The following MYO15A variants were observed in gnomAD, a reference collection of about 807,000 sequenced individuals.
MYO15A encodes myosin XVA.
A neutral mutation model predicts 394.6 loss-of-function variants in MYO15A; 308 were observed. The observed-to-expected ratio is 0.78, with a 90% CI of 0.71 to 0.86. The LOEUF (loss-of-function observed/expected upper bound fraction) is 0.86. Among genes scored for constraint, MYO15A ranks in the 40% least tolerant of loss-of-function variants. The probability of loss-of-function intolerance (pLI) is 0.00; values close to 1 mark genes in which losing one functional copy is unlikely to be tolerated. For synonymous variants in MYO15A, 1,957 were observed against 2,003.8 expected (o/e 0.98, Z 0.62); for missense variants, 4,606 against 4,799.1 (o/e 0.96, Z 1.19).
intron 15 of MYO15A, among the ~76,000 whole-genome samples, 192 bp from the exon 16 acceptor site, chr17:18,137,392 T>A (rs1284479979): frequency 6.6e-6 from 1 of 152,222 alleles, no homozygotes; most frequent in South Asian, 2.1e-4. Context: ...GCCTTGGCCT[T>A]CAGGCACTGC....
In MYO15A at chr17:18,148,851, C is replaced by G; in HGVS notation, c.6855C>G (p.Asp2285Glu). Reference sequence around the variant, plus strand: ...TGGCTGGCCACGACTACGTGTTAGACCTGGTGTCGGACCTGGAGCTGCTCA... The same window carrying G: ...TGGCTGGCCACGACTACGTGTTAGAGCTGGTGTCGGACCTGGAGCTGCTCA... The part of the protein sequence containing the change: ...AELAGHDYVL[D>E]LVSDLELLRD... Residue 2285 changes from aspartate to glutamate, a missense_variant, in exon 33 of 66, where the codon GAC becomes GAG. By Grantham distance (45) the Asp-to-Glu change is conservative. Transcript: ENST00000647165. The surrounding 1 kb of genome is among the most constrained non-coding windows in gnomAD (Gnocchi z 4.8). The G allele has an allele frequency of 6.2e-7, 1 of 1,607,838 alleles. No homozygotes were observed. Among genetic ancestry groups the G allele is most frequent in the Non-Finnish European group, 8.5e-7 (1 of 1,177,156 alleles).
intron 8 of MYO15A, 58 bp downstream of exon 8, chr17:18,130,868 G>GTGTGTGTGTGTC (rs1403173028): frequency 2.4e-5 from 34 of 1,446,110 alleles, no homozygotes; most frequent in African/African-American, 1.3e-4. Context: ...GTGTGTGTGT[G>GTGTGTGTGTGTC]TGTCTGTCCA....
chr17:18,114,476 T>C (rs774328574), intron 1 of MYO15A, among the ~76,000 whole-genome samples: 1 of 152,142 alleles, frequency 6.6e-6, no homozygotes, highest in African/African-American at 2.4e-5. Flanking sequence ...GGTCTCGAAC[T>C]CTTGACCACA....
At chr17:18,169,512 C>T (rs1019915168) in intron 62 of MYO15A, 2 of 151,914 alleles carry the variant, frequency 1.3e-5, no homozygotes, top group Admixed American at 1.3e-4. Context: ...TGGTGCACGC[C>T]TGTAACGCCA....
rs1292509138 is a variant in MYO15A at position 18,119,406 on chromosome 17, C to T, written c.606C>T (p.Pro202=). 1.9e-6 allele frequency: 3 copies of T among 1,611,816 alleles called. No homozygotes were observed. Among genetic ancestry groups the T allele is most frequent in the Middle Eastern group, 1.6e-4 (1 of 6,062 alleles). Residue 202 remains proline, a synonymous_variant, in exon 2 of 66, where the codon CCC becomes CCT. Coordinates refer to ENST00000647165, the MANE Select transcript of MYO15A (RefSeq NM_016239.4). ...GCAGCATCTACGCGTCAGGCGAGCCCCTGGGCTTCCTGCCCTTCGAGGACG... is the reference window on the plus strand; with the variant it reads ...GCAGCATCTACGCGTCAGGCGAGCCTCTGGGCTTCCTGCCCTTCGAGGACG... ...RSRSIYASGE[P]LGFLPFEDEA...
At chr17:18,158,162 G>A (rs1431148598) in intron 51 of MYO15A, 1 of 603,740 alleles carries the variant, frequency 1.7e-6, no homozygotes, top group South Asian at 2.1e-5. Context: ...GGACAATGGG[G>A]TCAGACCAGC....
At chr17:18,142,042 G>A (rs773211908) in intron 23 of MYO15A, 37 bp from the exon 24 acceptor site, 1 of 1,608,512 alleles carries the variant, frequency 6.2e-7, no homozygotes, top group Non-Finnish European at 8.5e-7. Context: ...CAGCCTCCTG[G>A]CTCCTATCTG....
chr17:18,145,984 C>T lies in MYO15A; in HGVS notation c.6386C>T (p.Ala2129Val). The change falls in exon 30 of 66, where the codon GCA becomes GTA. Residue 2129 changes from alanine (A) to valine (V), a missense_variant. Ala to Val is a moderately conservative substitution (Grantham distance 64, BLOSUM62 0). Around this residue, in one of 2 missense-constraint regions of MYO15A, gnomAD observed 2,776 missense variants for 3,109.3 expected, o/e 0.89. Coordinates refer to ENST00000647165, the MANE Select transcript of MYO15A (RefSeq NM_016239.4). The stretch of plus-strand genomic sequence containing the variant: ...CCTGAGCTGCGGGATGAGATCCTGG[C>T]ACAGCTGGCCAATCAGGTGTGGCAC... ...AVPELRDEIL[A>V]QLANQVWHNH... 1 of 1,613,862 alleles carries T rather than the reference C, an allele frequency of 6.2e-7. No individual in the cohort carries two copies. The highest frequency in any genetic ancestry group is 8.5e-7 in the Non-Finnish European group (1 of 1,180,032).
chr17:18,119,519 G>A lies in MYO15A; in HGVS notation c.719G>A (p.Arg240His), dbSNP rs1415536045. The A allele has an allele frequency of 1.9e-6, 3 of 1,610,746 alleles. No individual in the cohort carries two copies. Among genetic ancestry groups the A allele is most frequent in the East Asian group, 2.2e-5 (1 of 44,870 alleles). Residue 240 changes from arginine to histidine, a missense_variant, in exon 2 of 66, where the codon CGC becomes CAC. Arg to His is a conservative substitution (Grantham distance 29). This residue lies in a region of MYO15A where 1,830 missense variants were observed against 1,689.7 expected (regional missense o/e 1.08). Coordinates refer to ENST00000647165, the MANE Select transcript of MYO15A (RefSeq NM_016239.4). Reference protein sequence around the residue: ...QDLGEYYDYHRDGDDYYDRQS... With the variant: ...QDLGEYYDYHHDGDDYYDRQS... ...CTGGGCGAGTATTATGACTATCACC[G>A]CGACGGCGACGACTACTACGACCGG...
intron 62 of MYO15A, among the ~76,000 whole-genome samples, chr17:18,171,003 G>A (rs1187180592): frequency 2.0e-5 from 3 of 152,238 alleles, no homozygotes; most frequent in Admixed American, 2.0e-4. Context: ...GGGAGGAGGG[G>A]GTTCCCCTGG....
intron 13 of MYO15A, 66 bp from the exon 14 acceptor site, chr17:18,136,351 C>CCCTGGGGGCTT: frequency 6.3e-7 from 1 of 1,593,654 alleles, no homozygotes; most frequent in Non-Finnish European, 8.6e-7. Flanking sequence ...TCCCTTAGTC[C>CCCTGGGGGCTT]CCTGGGGGCT....
Position 18,154,748 on chromosome 17 carries a change from C to A in MYO15A, c.8217C>A (p.Ala2739=). The A allele has an allele frequency of 6.2e-7, 1 of 1,613,580 alleles. No individual in the cohort carries two copies. Among genetic ancestry groups the A allele is most frequent in the Non-Finnish European group, 8.5e-7 (1 of 1,179,994 alleles). The part of the protein sequence containing the change: ...ISEDERLRMK[A]LFAQNQLDTQ... ...AGGATGAGAGGCTCAGGATGAAGGCCTTGTTTGGTATCTCGGGGGAGAGGA... is the reference window on the plus strand; with the variant it reads ...AGGATGAGAGGCTCAGGATGAAGGCATTGTTTGGTATCTCGGGGGAGAGGA... The change falls in exon 45 of 66, where the codon GCC becomes GCA. Residue 2739 remains alanine (A), a synonymous_variant. Coordinates refer to ENST00000647165, the MANE Select transcript of MYO15A (RefSeq NM_016239.4).
chr17:18,170,151 G>A (rs1316659891), intron 62 of MYO15A, among the ~76,000 whole-genome samples: 1 of 151,904 alleles, frequency 6.6e-6, no homozygotes, highest in African/African-American at 2.4e-5. Flanking sequence ...AGACTCCACT[G>A]TACACTTGTG....
In MYO15A at chr17:18,149,555, A is replaced by G. The variant is rs1281397014; in HGVS notation, c.7187A>G (p.Asp2396Gly). The G allele has an allele frequency of 6.2e-7, 1 of 1,614,024 alleles. No homozygotes were observed. Among genetic ancestry groups the G allele is most frequent in the Non-Finnish European group, 8.5e-7 (1 of 1,179,996 alleles). Residue 2396 changes from aspartate to glycine, a missense_variant, in exon 35 of 66, where the codon GAC becomes GGC. This residue lies in a region of MYO15A where 2,776 missense variants were observed against 3,109.3 expected (regional missense o/e 0.89). Coordinates refer to ENST00000647165, the MANE Select transcript of MYO15A (RefSeq NM_016239.4). ...GACTGCTACCTGGATAGCCTCTTTG[A>G]CCCTGTGCTGTCCTACGGGGATGCG... ...GLDCYLDSLF[D>G]PVLSYGDADL...
chr17:18,150,121 C>T lies in MYO15A; in HGVS notation c.7213-308C>T. 2.3e-6 allele frequency: 1 copy of T among 435,662 alleles called. No individual in the cohort carries two copies. Among genetic ancestry groups the T allele is most frequent in the Non-Finnish European group, 4.3e-6 (1 of 234,278 alleles). The allele number at this position is 435,662 out of a possible 1,614,324, so 27.0% of individuals were successfully genotyped here. On this transcript the variant is annotated intron_variant, in intron 35 of 65. Transcript: ENST00000647165. The surrounding 1 kb of genome is among the most constrained non-coding windows in gnomAD (Gnocchi z 4.4). The stretch of plus-strand genomic sequence containing the variant: ...CAGGTACCCTTACTCACTCTGGAAA[C>T]TCCAGAACCCACCCCACCCCCACTG...
In MYO15A at chr17:18,119,658, C is replaced by G. The variant is rs200424851; in HGVS notation, c.858C>G (p.Pro286=). Residue 286 remains proline (P), a synonymous_variant, in exon 2 of 66, where the codon CCC becomes CCG. Coordinates refer to ENST00000647165, the MANE Select transcript of MYO15A (RefSeq NM_016239.4). ...DHYYGYPPED[P]YDYYHPDYYG... ...ACTACGGGTACCCGCCCGAGGATCC[C>G]TACGACTACTACCACCCCGACTATT... 181 of 1,604,946 alleles carry G rather than the reference C, an allele frequency of 1.1e-4. 1 individual carries two copies. The Admixed American group carries it at 1.3e-3, about 12-fold the overall frequency.
chr17:18,172,729 G>A (rs1299864920), intron 64 of MYO15A: 9 of 325,490 alleles, frequency 2.8e-5, no homozygotes, highest in Non-Finnish European at 4.2e-5. Context: ...CTCTGTGTGC[G>A]CACAACCCTG....
intron 65 of MYO15A, chr17:18,177,887 T>G (rs1266031790): frequency 2.0e-5 from 3 of 152,244 alleles, no homozygotes; most frequent in African/African-American, 7.2e-5. Context: ...ACAATGGCTT[T>G]CGTCTGAGAA....
At chr17:18,127,238 A>G in intron 7 of MYO15A, 73 bp downstream of exon 7, 1 of 1,547,708 alleles carries the variant, frequency 6.5e-7, no homozygotes, top group South Asian at 1.1e-5. Flanking sequence ...ACTCCCGAAG[A>G]GGCAAGGCTC....
Sources: gnomAD v4.1 joint callset for allele counts (sites outside exome capture counted in the v4.1 genomes callset) on GRCh38, gnomAD v4.1.1 for gene constraint, gnomAD v4.1.1 regional missense constraint, Gnocchi (gnomAD v3.1) non-coding constraint, MANE v1.5 for transcripts, NCBI Gene and HGNC (gene_info 2026-07-23, HGNC 2026-07-21) for gene names.